TBC1D5: variants seen among roughly 807,000 people sequenced by gnomAD.
TBC1D5 encodes the protein TBC1 domain family member 5.
A neutral mutation model predicts 100.3 loss-of-function variants in TBC1D5; 75 were observed. The observed-to-expected ratio is 0.75, with a 90% confidence interval of 0.62 to 0.91. The LOEUF is 0.91. Among genes scored for constraint, TBC1D5 ranks in the 40% least tolerant of loss-of-function variants. The probability of loss-of-function intolerance (pLI) is 0.00; values close to 1 mark genes in which losing one functional copy is unlikely to be tolerated. For synonymous variants in TBC1D5, 323 were observed against 325.6 expected (o/e 0.99, Z 0.09); for missense variants, 910 against 942.4 (o/e 0.97, Z 0.45).
intron 3 of TBC1D5, among the ~76,000 whole-genome samples, chr3:17,494,787 C>T (rs556484319): frequency 6.6e-6 from 1 of 152,300 alleles, no homozygotes; most frequent in African/African-American, 2.4e-5. Context: ...GCTGCCCCTC[C>T]CTCGGGAACT....
At chr3:17,640,626 G>A (rs574628534) in intron 1 of TBC1D5, among the ~76,000 whole-genome samples, 7 of 151,990 alleles carry the variant, frequency 4.6e-5, no homozygotes, top group African/African-American at 1.4e-4. Context: ...TTTCTGCAGT[G>A]GAAACAAATG....
chr3:17,559,784 T>C (rs1472056029), intron 2 of TBC1D5, among the ~76,000 whole-genome samples: 1 of 151,752 alleles, frequency 6.6e-6, no homozygotes, highest in Non-Finnish European at 1.5e-5. Context: ...ACAGACGGGG[T>C]TTCACTATAT....
At chr3:17,684,046 G>A (rs920915456) in intron 1 of TBC1D5, among the ~76,000 whole-genome samples, 134 of 151,912 alleles carry the variant, frequency 8.8e-4, no homozygotes, top group African/African-American at 2.6e-3. Context: ...TAGGGGCTGG[G>A]TAGATTATTC....
intron 4 of TBC1D5, among the ~76,000 whole-genome samples, chr3:17,410,512 T>G (rs1440245788): frequency 3.3e-5 from 5 of 152,184 alleles, no homozygotes; most frequent in Non-Finnish European, 7.3e-5. Flanking sequence ...TAGTGATTTC[T>G]CTGACAGATC....
intron 2 of TBC1D5, among the ~76,000 whole-genome samples, chr3:17,618,568 T>G (rs775673653): frequency 1.3e-5 from 2 of 152,228 alleles, no homozygotes; most frequent in African/African-American, 2.4e-5. Context: ...CAGTTCGAGC[T>G]TCCCGGCTGC....
intron 1 of TBC1D5, among the ~76,000 whole-genome samples, chr3:17,716,997 G>A (rs1384976599): frequency 6.6e-6 from 1 of 152,118 alleles, no homozygotes; most frequent in Non-Finnish European, 1.5e-5. Flanking sequence ...TGGACTTGCT[G>A]AGCATAAAAT....
intron 17 of TBC1D5, among the ~76,000 whole-genome samples, chr3:17,219,095 T>C (rs533519197): frequency 2.0e-5 from 3 of 151,624 alleles, no homozygotes; most frequent in Non-Finnish European, 3.0e-5. Flanking sequence ...TTGTTTTTTT[T>C]TTTTATTCTT....
intron 2 of TBC1D5, among the ~76,000 whole-genome samples, chr3:17,593,689 T>C (rs573958879): frequency 6.6e-5 from 10 of 152,194 alleles, no homozygotes; most frequent in African/African-American, 1.2e-4. Flanking sequence ...AAGGCACTCA[T>C]TTTACAGCTA....
At chr3:17,260,479 G>A (rs918622199) in intron 15 of TBC1D5, among the ~76,000 whole-genome samples, 10 of 152,130 alleles carry the variant, frequency 6.6e-5, no homozygotes, top group South Asian at 2.1e-4. Context: ...TGCTTTCACT[G>A]AGGCCTATTT....
chr3:17,636,681 G>C (rs576251904), intron 1 of TBC1D5, among the ~76,000 whole-genome samples: 1 of 151,668 alleles, frequency 6.6e-6, no homozygotes, highest in South Asian at 2.1e-4. Context: ...GGCGCCTGTA[G>C]TCCCAGCTAC....
chr3:17,232,879 G>T (rs111836465), intron 17 of TBC1D5, among the ~76,000 whole-genome samples: 2 of 152,006 alleles, frequency 1.3e-5, no homozygotes, highest in African/African-American at 4.8e-5. Context: ...AACATGGTAT[G>T]GATTTTAATT....
At chr3:17,344,546 C>T (rs1220462947) in intron 13 of TBC1D5, among the ~76,000 whole-genome samples, 1 of 151,870 alleles carries the variant, frequency 6.6e-6, no homozygotes, top group Non-Finnish European at 1.5e-5. Context: ...TGACTTTCTT[C>T]ACAGAATTGG....
intron 1 of TBC1D5, among the ~76,000 whole-genome samples, chr3:17,643,566 T>G (rs1215008254): frequency 6.6e-6 from 1 of 152,118 alleles, no homozygotes; most frequent in Admixed American, 6.6e-5. Flanking sequence ...CTTTATACAT[T>G]TATTAATTGT....
chr3:17,285,785 T>C (rs913194677), intron 15 of TBC1D5, among the ~76,000 whole-genome samples: 1 of 152,222 alleles, frequency 6.6e-6, no homozygotes, highest in Admixed American at 6.5e-5. Context: ...AGTACCTATA[T>C]ACAATTTGAA....
intron 3 of TBC1D5, among the ~76,000 whole-genome samples, chr3:17,445,847 C>A (rs2094779530): frequency 6.6e-6 from 1 of 152,122 alleles, no homozygotes; most frequent in African/African-American, 2.4e-5. Flanking sequence ...ATATTCGCCA[C>A]AGATAAGAGT....
At chr3:17,371,417 C>A (rs2152037045) in intron 13 of TBC1D5, among the ~76,000 whole-genome samples, 1 of 152,276 alleles carries the variant, frequency 6.6e-6, no homozygotes, top group Non-Finnish European at 1.5e-5. Flanking sequence ...AGGGGCCTTG[C>A]ATCTTTCTTT....
chr3:17,354,141 T>C (rs1239340378), intron 13 of TBC1D5, among the ~76,000 whole-genome samples: 1 of 152,142 alleles, frequency 6.6e-6, no homozygotes, highest in African/African-American at 2.4e-5. Flanking sequence ...CAGCCTTATG[T>C]AGTAAAGGAT....
intron 1 of TBC1D5, among the ~76,000 whole-genome samples, chr3:17,627,826 C>T (rs1235105911): frequency 2.6e-5 from 4 of 151,928 alleles, no homozygotes; most frequent in African/African-American, 9.7e-5. Context: ...AGTCCTGAGT[C>T]CATACAGCAT....
At chr3:17,605,342 T>C (rs1003878623) in intron 2 of TBC1D5, among the ~76,000 whole-genome samples, 10 of 152,186 alleles carry the variant, frequency 6.6e-5, no homozygotes, top group African/African-American at 2.2e-4. Context: ...AGAGACCATA[T>C]ACATCAGAAA....
Sources: allele counts gnomAD v4.1 joint callset (sites outside exome capture counted in the v4.1 genomes callset), GRCh38; gene constraint gnomAD v4.1.1; transcripts MANE v1.5; gene names NCBI Gene and HGNC (gene_info 2026-07-23, HGNC 2026-07-21).